Variants in DOCK9 observed in about 807,000 individuals in gnomAD.
DOCK9 encodes dedicator of cytokinesis 9, also known as dedicator of cytokinesis protein 9.
In DOCK9, 89 loss-of-function variants were observed where a neutral mutation model predicts 263.3. That is an observed-to-expected ratio of 0.34 (90% CI 0.28 to 0.40). The LOEUF is 0.40. DOCK9 is among the 10% of genes least tolerant of loss of function. The pLI is 1.00. For synonymous variants in DOCK9, 976 were observed against 973.1 expected (o/e 1.00, Z -0.06); for missense variants, 2,140 against 2,603.4 (o/e 0.82, Z 3.87).
intron 38 of DOCK9, among the ~76,000 whole-genome samples, chr13:98,845,575 A>G (rs1051424949): frequency 3.3e-5 from 5 of 152,220 alleles, no homozygotes; most frequent in Admixed American, 2.6e-4. Context: ...TCAGAGTTGC[A>G]GGGGAAAGCC....
chr13:98,824,460 T>C lies in DOCK9; in HGVS notation c.5068A>G (p.Asn1690Asp). The stretch of plus-strand genomic sequence containing the variant: ...ATCATGGAGGCCTCCTCGTCGATGT[T>C]TGGGGTAATGACCCTGAAGGCGGTG... ...GCTAFRVITP[N>D]IDEEASMMED... The change falls in exon 45 of 53, where the codon AAC (asparagine) becomes GAC (aspartate). Residue 1690 changes from asparagine (N) to aspartate (D), a missense_variant. Transcript: ENST00000682017. 1 of 1,613,888 alleles carries C rather than the reference T, an allele frequency of 6.2e-7. No individual in the cohort carries two copies. The highest frequency in any genetic ancestry group is 8.5e-7 in the Non-Finnish European group (1 of 1,179,824).
chr13:98,811,443 A>C (rs561819686), intron 45 of DOCK9, among the ~76,000 whole-genome samples: 1 of 151,538 alleles, frequency 6.6e-6, no homozygotes, highest in East Asian at 1.9e-4. Flanking sequence ...TTAATATTAA[A>C]TTTATTTTAG....
At chr13:98,913,315 T>G (rs2050362295) in intron 9 of DOCK9, among the ~76,000 whole-genome samples, 2 of 152,016 alleles carry the variant, frequency 1.3e-5, no homozygotes, top group Non-Finnish European at 2.9e-5. Context: ...AGAGTAAGAG[T>G]GCAAAGGGCT....
intron 33 of DOCK9, 64 bp from the exon 34 acceptor site, chr13:98,856,095 G>A: frequency 6.5e-7 from 1 of 1,539,918 alleles, no homozygotes; most frequent in South Asian, 1.2e-5. Flanking sequence ...GATGAGTACT[G>A]AACTTTAAGG....
intron 1 of DOCK9, among the ~76,000 whole-genome samples, chr13:99,084,322 A>T (rs1264604736): frequency 6.6e-6 from 1 of 152,170 alleles, no homozygotes; most frequent in African/African-American, 2.4e-5. Context: ...CCTATTTCCC[A>T]TTCAGCCAGG....
chr13:99,015,348 C>T, intron 1 of DOCK9: 7 of 1,050,234 alleles, frequency 6.7e-6, no homozygotes, highest in African/African-American at 1.6e-5. Flanking sequence ...AGACTACATA[C>T]ATATAAGTAC....
chr13:98,950,244 G>C lies in DOCK9; in HGVS notation c.243+5191C>G, dbSNP rs189935557. ...CATGAGGTTTCACTTCTAGTTGTCT[G>C]AGATGCAGCTTGTCGTGTTTCTGCC... On this transcript the variant is annotated intron_variant, in intron 2 of 52. Transcript: ENST00000682017. The C allele has an allele frequency of 4.0e-5, 37 of 924,474 alleles. No individual in the cohort carries two copies. In the East Asian group the frequency reaches 9.4e-4, roughly 24 times the overall value. 57.3% of individuals were successfully genotyped at this position (924,474 alleles called of 1,614,324 possible).
chr13:98,924,911 T>A (rs1039766798), intron 4 of DOCK9, among the ~76,000 whole-genome samples: 1 of 150,650 alleles, frequency 6.6e-6, no homozygotes, highest in Non-Finnish European at 1.5e-5. Context: ...ATGCTTGTAA[T>A]CCCAGCACTT....
intron 1 of DOCK9, among the ~76,000 whole-genome samples, chr13:99,001,043 A>G (rs1882194309): frequency 6.6e-6 from 1 of 152,122 alleles, no homozygotes. Context: ...ATACACCCTT[A>G]CCCTGGTGGC....
intron 9 of DOCK9, among the ~76,000 whole-genome samples, chr13:98,906,645 A>G (rs9284181): frequency 0.7 from 106,643 of 152,064 alleles, 37,684 homozygotes; most frequent in Middle Eastern, 0.81. Context: ...TCTGTTGGTG[A>G]CAGAACAAAG....
chr13:99,058,394 T>A (rs2041025041), intron 1 of DOCK9, among the ~76,000 whole-genome samples: 1 of 152,108 alleles, frequency 6.6e-6, no homozygotes. Context: ...ACTCCTGACC[T>A]CAAGTGATCC....
chr13:98,857,410 T>G (rs2093732538), intron 33 of DOCK9: 1 of 152,214 alleles, frequency 6.6e-6, no homozygotes, highest in African/African-American at 2.4e-5. Context: ...TGCCTCAGCC[T>G]CCCAAGTAGC....
intron 1 of DOCK9, among the ~76,000 whole-genome samples, chr13:98,987,621 A>G (rs1173770541): frequency 1.3e-5 from 2 of 152,262 alleles, no homozygotes; most frequent in Non-Finnish European, 2.9e-5. Flanking sequence ...CTTTTTTATT[A>G]TAACTGCCAC....
At chr13:98,976,689 A>T (rs2060309913) in intron 1 of DOCK9, among the ~76,000 whole-genome samples, 2 of 152,184 alleles carry the variant, frequency 1.3e-5, no homozygotes, top group African/African-American at 4.8e-5. Context: ...AGAAACCTAA[A>T]TCTCTAAGAT....
chr13:99,057,035 T>C (rs1284240543), intron 1 of DOCK9, among the ~76,000 whole-genome samples: 1 of 152,124 alleles, frequency 6.6e-6, no homozygotes, highest in African/African-American at 2.4e-5. Flanking sequence ...TCCTACCATG[T>C]AGACTAGAAG....
intron 30 of DOCK9, among the ~76,000 whole-genome samples, chr13:98,865,169 T>G (rs186237741): frequency 4.6e-5 from 7 of 152,288 alleles, no homozygotes; most frequent in African/African-American, 1.7e-4. Context: ...TGGGCTTAAG[T>G]CATCCTCCCA....
chr13:98,991,035 C>T (rs1016861028), intron 1 of DOCK9, among the ~76,000 whole-genome samples: 5 of 151,786 alleles, frequency 3.3e-5, no homozygotes, highest in Non-Finnish European at 7.4e-5. Flanking sequence ...TTCAAGAGTA[C>T]GATGTCTGAA....
chr13:98,831,433 G>A lies in DOCK9; in HGVS notation c.4550C>T (p.Thr1517Met), dbSNP rs768794516. 1.5e-5 allele frequency: 24 copies of A among 1,600,882 alleles called. No individual in the cohort carries two copies. Among genetic ancestry groups the A allele is most frequent in the East Asian group, 2.2e-5 (1 of 44,580 alleles). ...GAAGTAGAGCAGCTGGGAGGCCTCC[G>A]TCCTGATGGAGCTCAGCTTGGAGTT... ...CCNSKLSSIR[T>M]EASQLLYFLM... Residue 1517 changes from threonine (T) to methionine (M), a missense_variant, in exon 41 of 53, where the codon ACG (threonine) becomes ATG (methionine). Around this residue, in one of 2 missense-constraint regions of DOCK9, gnomAD observed 619 missense variants for 861.8 expected, o/e 0.72. Coordinates refer to ENST00000682017, the MANE Select transcript of DOCK9 (RefSeq NM_001366683.2).
At chr13:98,878,119 G>A (rs945848753) in intron 27 of DOCK9, among the ~76,000 whole-genome samples, 6 of 152,156 alleles carry the variant, frequency 3.9e-5, no homozygotes, top group African/African-American at 7.2e-5. Context: ...GGACACAGAC[G>A]CGCACAGAAG....
Sources: allele counts gnomAD v4.1 joint callset (sites outside exome capture counted in the v4.1 genomes callset), GRCh38; gene constraint gnomAD v4.1.1; regional missense constraint gnomAD v4.1.1; transcripts MANE v1.5; gene names NCBI Gene and HGNC (gene_info 2026-07-23, HGNC 2026-07-21).